Variants in CFAP91 observed in about 807,000 individuals in gnomAD.
CFAP91 encodes cilia and flagella associated protein 91, also known as cilia- and flagella-associated protein 91.
A neutral mutation model predicts 95.9 loss-of-function variants in CFAP91; 85 were observed. That is an observed-to-expected ratio of 0.89 (90% CI 0.74 to 1.06). CFAP91 has a LOEUF of 1.06. CFAP91 is among the 50% of genes least tolerant of loss of function. The pLI is 0.00. For missense variants in CFAP91, 962 were observed against 943.4 expected (o/e 1.02, Z -0.26); for synonymous variants, 335 against 327.5 (o/e 1.02, Z -0.25).
At chr3:119,758,713 G>C (rs1577250123) in intron 17 of CFAP91, among the ~76,000 whole-genome samples, 1 of 152,060 alleles carries the variant, frequency 6.6e-6, no homozygotes, top group African/African-American at 2.4e-5. Context: ...ATGGATACCA[G>C]TATTGGCCAT....
intron 6 of CFAP91, 53 bp downstream of exon 6, chr3:119,715,796 C>T: frequency 6.6e-7 from 1 of 1,526,690 alleles, no homozygotes; most frequent in East Asian, 2.3e-5. Context: ...GATAACCACG[C>T]ATGCTGTTCA....
At chr3:119,706,053 T>A (rs573291112) in intron 1 of CFAP91, 1 of 152,226 alleles carries the variant, frequency 6.6e-6, no homozygotes, top group Non-Finnish European at 1.5e-5. Context: ...GACTAGCTGG[T>A]CAGGGTATTT....
In CFAP91 at chr3:119,732,368, T is replaced by G. The variant is rs1256620876; in HGVS notation, c.1093T>G (p.Ser365Ala). ...LERRNIIKDY[S>A]DYASQVYGPL... Reference sequence around the variant, plus strand: ...GAGAAGAAATATCATCAAGGATTATTCTGATTATGCATCACAGGTCTATGG... The same window carrying G: ...GAGAAGAAATATCATCAAGGATTATGCTGATTATGCATCACAGGTCTATGG... Residue 365 changes from serine to alanine, a missense_variant, in exon 9 of 18, where the codon TCT (serine) becomes GCT (alanine). Physicochemically the swap from Ser to Ala is moderately conservative, Grantham distance 99. Transcript: ENST00000273390. The G allele has an allele frequency of 6.2e-7, 1 of 1,612,620 alleles. No individual in the cohort carries two copies. Among genetic ancestry groups the G allele is most frequent in the African/African-American group, 1.3e-5 (1 of 74,884 alleles).
At chr3:119,760,368 G>C (rs1490174985) in intron 17 of CFAP91, among the ~76,000 whole-genome samples, 1 of 151,796 alleles carries the variant, frequency 6.6e-6, no homozygotes, top group East Asian at 1.9e-4. Context: ...CTCAACATTG[G>C]AGCCCCTAAA....
intron 3 of CFAP91, among the ~76,000 whole-genome samples, 180 bp downstream of exon 3, chr3:119,707,741 A>ATATATATATATATATATATATG (rs1307342707): frequency 1.3e-5 from 2 of 148,786 alleles, no homozygotes; most frequent in Non-Finnish European, 3.0e-5. Context: ...AGATATATAT[A>ATATATATATATATATATATATG]TATATATAAT....
At position 119,703,110 on chromosome 3, in the gene CFAP91, A is replaced by C; in HGVS notation, c.12A>C (p.Ala4=). The change falls in exon 1 of 18, where the codon GCA becomes GCC. Residue 4 remains alanine (A), a synonymous_variant. Transcript: ENST00000273390. The part of the protein sequence containing the change: MSH[A]VTIEEPQAQP... ...AAAGAGGCGGCACCATGAGCCACGC[A>C]GTAACCATCGAGGAGCCCCAGGCCC... The C allele has an allele frequency of 6.4e-7, 1 of 1,558,662 alleles. No individual in the cohort carries two copies. Among genetic ancestry groups the C allele is most frequent in the Non-Finnish European group, 8.7e-7 (1 of 1,150,940 alleles).
Position 119,724,556 on chromosome 3 carries a change from A to G in CFAP91, c.683-1615A>G, listed in dbSNP as rs560744617. Among the ~76,000 whole-genome samples the G allele has an allele frequency of 2.0e-5, 3 of 152,230 alleles. No homozygotes were observed. The East Asian group carries it at 5.8e-4, about 29-fold the overall frequency. ...TATATATACATATATACACATACAT[A>G]TATGTGGTATTTTGTATACAGATTT... On this transcript the variant is annotated intron_variant, in intron 6 of 17. Transcript: ENST00000273390.
At chr3:119,750,821 G>T (rs2107912825) in intron 16 of CFAP91, 116 bp from the exon 17 acceptor site, 2 of 1,073,368 alleles carry the variant, frequency 1.9e-6, no homozygotes, top group Non-Finnish European at 1.4e-6. Context: ...AATTAGATTT[G>T]GGTTGGGTTT....
intron 13 of CFAP91, among the ~76,000 whole-genome samples, chr3:119,742,038 G>A (rs2054131122): frequency 6.6e-6 from 1 of 152,176 alleles, no homozygotes; most frequent in South Asian, 2.1e-4. Flanking sequence ...GAAGCGCTAG[G>A]CCCTGAGACT....
chr3:119,715,216 C>A, intron 5 of CFAP91: 1 of 274,658 alleles, frequency 3.6e-6, no homozygotes, highest in South Asian at 4.9e-5. Context: ...AGAAAGAAAC[C>A]AGAGAATGTA....
intron 6 of CFAP91, among the ~76,000 whole-genome samples, chr3:119,724,324 G>C (rs1489969724): frequency 6.6e-6 from 1 of 152,112 alleles, no homozygotes; most frequent in Non-Finnish European, 1.5e-5. Context: ...GGGGAAATGG[G>C]AGAAGGGAAT....
At chr3:119,731,143 G>A (rs1181558537) in intron 8 of CFAP91, among the ~76,000 whole-genome samples, 1 of 152,136 alleles carries the variant, frequency 6.6e-6, no homozygotes, top group Non-Finnish European at 1.5e-5. Context: ...AGGCTGAGGT[G>A]GGAGGATGGC....
At chr3:119,729,857 C>T (rs2053860871) in intron 7 of CFAP91, among the ~76,000 whole-genome samples, 1 of 152,128 alleles carries the variant, frequency 6.6e-6, no homozygotes, top group Admixed American at 6.5e-5. Context: ...ACCGCATTTC[C>T]TCTTCACTCC....
At chr3:119,719,826 G>T (rs1337539826) in intron 6 of CFAP91, among the ~76,000 whole-genome samples, 1 of 152,212 alleles carries the variant, frequency 6.6e-6, no homozygotes, top group Non-Finnish European at 1.5e-5. Context: ...AGAAAGGCTG[G>T]GCGTGGTGGC....
At chr3:119,720,542 C>A (rs2053665011) in intron 6 of CFAP91, among the ~76,000 whole-genome samples, 1 of 151,956 alleles carries the variant, frequency 6.6e-6, no homozygotes. Context: ...AAAAAAAATT[C>A]TTTTAAGAGC....
At chr3:119,711,832 A>G (rs550323566) in intron 5 of CFAP91, among the ~76,000 whole-genome samples, 15 of 152,370 alleles carry the variant, frequency 9.8e-5, no homozygotes, top group African/African-American at 3.6e-4. Context: ...ATAAAAAGTT[A>G]ATACTTTTAA....
In CFAP91 at chr3:119,715,547, A is replaced by G. The variant is rs2053557742; in HGVS notation, c.501-15A>G. ...ATAACAGGTTTCAATTTTTAAACTG[A>G]TTTTTCTCTTTTAGGGCAGAACCAT... is the stretch of plus-strand genomic sequence containing the variant. On this transcript the variant is annotated splice_polypyrimidine_tract_variant and intron_variant, in intron 5 of 17. Transcript: ENST00000273390. 1.2e-6 allele frequency: 2 copies of G among 1,610,798 alleles called. No individual in the cohort carries two copies. Among genetic ancestry groups the G allele is most frequent in the African/African-American group, 1.3e-5 (1 of 74,762 alleles).
Position 119,750,939 on chromosome 3 carries a change from A to G in CFAP91, c.2146A>G (p.Arg716Gly). The G allele has an allele frequency of 1.2e-6, 2 of 1,613,936 alleles. No individual in the cohort carries two copies. Among genetic ancestry groups the G allele is most frequent in the Non-Finnish European group, 1.7e-6 (2 of 1,179,844 alleles). Reference sequence around the variant, plus strand: ...ATTTTTCTATTACTTTGGCACAGTGAGGAACGCACAGCGGAAACATATTCT... The same window carrying G: ...ATTTTTCTATTACTTTGGCACAGTGGGGAACGCACAGCGGAAACATATTCT... The part of the protein sequence containing the change: ...VQKYFVKEKV[R>G]NAQRKHILAA... Residue 716 changes from arginine (R) to glycine (G), a missense_variant and splice_region_variant, in exon 17 of 18, where the codon AGG becomes GGG. Coordinates refer to ENST00000273390, the MANE Select transcript of CFAP91 (RefSeq NM_033364.4).
At chr3:119,740,398 G>C (rs1163666165) in intron 12 of CFAP91, 151 bp from the exon 13 acceptor site, 2 of 820,282 alleles carry the variant, frequency 2.4e-6, no homozygotes, top group Non-Finnish European at 3.9e-6. Flanking sequence ...CTGAGCTCTA[G>C]CTCTGTGGGA....
Sources: allele counts gnomAD v4.1 joint callset (sites outside exome capture counted in the v4.1 genomes callset), GRCh38; gene constraint gnomAD v4.1.1; transcripts MANE v1.5; gene names NCBI Gene and HGNC (gene_info 2026-07-23, HGNC 2026-07-21).